Variants in SEMA4D observed in about 807,000 individuals in gnomAD.
The protein encoded by SEMA4D is semaphorin-4D.
SEMA4D carries 22 observed loss-of-function variants against 74.8 expected under a neutral mutation model. The ratio of observed to expected loss-of-function variants is 0.29; its 90% CI spans 0.21 to 0.42. SEMA4D has a LOEUF of 0.42. SEMA4D is among the 10% of genes least tolerant of loss of function. The pLI, the probability that SEMA4D is intolerant of heterozygous loss-of-function variation, is 1.00. For missense variants in SEMA4D, 937 were observed against 1,118.4 expected (o/e 0.84, Z 2.31); for synonymous variants, 445 against 463.7 (o/e 0.96, Z 0.52).
chr9:89,430,576 G>A (rs1849055333), intron 2 of SEMA4D, among the ~76,000 whole-genome samples: 1 of 152,216 alleles, frequency 6.6e-6, no homozygotes, highest in African/African-American at 2.4e-5. Flanking sequence ...GAGTCTAACA[G>A]GTGTATTTCC....
At chr9:89,363,269 C>CG (rs1177870955) in intron 18 of SEMA4D, among the ~76,000 whole-genome samples, 1 of 151,972 alleles carries the variant, frequency 6.6e-6, no homozygotes, top group East Asian at 1.9e-4. Flanking sequence ...GTGGGATTTC[C>CG]CCCCCCAGTG....
At chr9:89,375,328 G>A (rs1200984203), downstream of SEMA4D, among the ~76,000 whole-genome samples, 2 of 152,188 alleles carry the variant, frequency 1.3e-5, no homozygotes, top group Non-Finnish European at 2.9e-5. Flanking sequence ...GCCACAGGGG[G>A]CTCAGCACAG....
intron 1 of SEMA4D, among the ~76,000 whole-genome samples, chr9:89,488,228 G>A (rs1331049711): frequency 2.6e-5 from 4 of 152,208 alleles, no homozygotes; most frequent in East Asian, 1.9e-4. Context: ...AGAAAGAAGA[G>A]GCTTGCTGTT....
chr9:89,473,509 G>A (rs2136014966), intron 1 of SEMA4D, among the ~76,000 whole-genome samples: 1 of 152,196 alleles, frequency 6.6e-6, no homozygotes, highest in Non-Finnish European at 1.5e-5. Flanking sequence ...GACATGGGAG[G>A]ACTGAAGTTC....
chr9:89,494,650 G>A (rs1373090674), intron 1 of SEMA4D, among the ~76,000 whole-genome samples: 3 of 152,286 alleles, frequency 2.0e-5, no homozygotes, highest in Non-Finnish European at 4.4e-5. Context: ...GGAGATCTCC[G>A]ATTATTATTA....
At chr9:89,432,977 C>T (rs1211863689) in intron 2 of SEMA4D, among the ~76,000 whole-genome samples, 2 of 152,230 alleles carry the variant, frequency 1.3e-5, no homozygotes, top group Admixed American at 1.3e-4. Flanking sequence ...CTCAAAGTGA[C>T]CCCACCTTTA....
chr9:89,429,936 A>G (rs1160951452), intron 2 of SEMA4D, among the ~76,000 whole-genome samples: 2 of 151,990 alleles, frequency 1.3e-5, no homozygotes, highest in African/African-American at 4.8e-5. Context: ...AAATAGTAGC[A>G]CTCTGAAAAT....
At chr9:89,386,811 C>T (rs532888877) in intron 12 of SEMA4D, 22 of 290,326 alleles carry the variant, frequency 7.6e-5, no homozygotes, top group South Asian at 6.4e-4. Context: ...CACCAGCCCT[C>T]GGGGTGTCAC....
At chr9:89,434,616 A>G (rs2134796502) in intron 2 of SEMA4D, among the ~76,000 whole-genome samples, 1 of 152,270 alleles carries the variant, frequency 6.6e-6, no homozygotes, top group Non-Finnish European at 1.5e-5. Flanking sequence ...CTCTGTGATT[A>G]CATTTAGGGA....
chr9:89,477,979 CAG>C (rs1444577562), intron 1 of SEMA4D, among the ~76,000 whole-genome samples: 7 of 152,210 alleles, frequency 4.6e-5, no homozygotes, highest in South Asian at 2.1e-4. Context: ...TTTTACGAAG[CAG>C]AGAGTTTCCA....
rs372507031 is a variant in SEMA4D, at chr9:89,478,114, C to T, written c.-310+19805G>A. On this transcript the variant is annotated intron_variant, in intron 1 of 15. Coordinates refer to ENST00000422704, the MANE Select transcript of SEMA4D (RefSeq NM_001371194.2). The stretch of plus-strand genomic sequence containing the variant: ...GGTGAAAGCCTGCCAGCCCTGTCTC[C>T]GCCCACCAGGGCCACCAGCTCAGCC... 1.6e-3 allele frequency among the ~76,000 whole-genome samples: 239 copies of T among 152,336 alleles called. 1 individual carries two copies. Among genetic ancestry groups the T allele is most frequent in the African/African-American group, 5.4e-3 (225 of 41,578 alleles).
At chr9:89,403,110 G>T in intron 3 of SEMA4D, 94 bp from the exon 4 acceptor site, 1 of 1,417,494 alleles carries the variant, frequency 7.1e-7, no homozygotes, top group Non-Finnish European at 9.7e-7. Flanking sequence ...CTGTCTCAGT[G>T]ACAATGAGCA....
intron 2 of SEMA4D, among the ~76,000 whole-genome samples, chr9:89,444,355 C>T (rs765537678): frequency 5.3e-5 from 8 of 152,178 alleles, no homozygotes; most frequent in Non-Finnish European, 1.2e-4. Context: ...CTCCTGCCAT[C>T]ACGGCTCACA....
At chr9:89,456,072 C>T (rs1392029519) in intron 1 of SEMA4D, 119 bp from the exon 2 acceptor site, 2 of 152,272 alleles carry the variant, frequency 1.3e-5, no homozygotes, top group African/African-American at 4.8e-5. Context: ...CCAGGGACTG[C>T]AAGAGCATCG....
chr9:89,389,195 A>G (rs965847773), intron 9 of SEMA4D, 148 bp from the exon 10 acceptor site: 32 of 750,552 alleles, frequency 4.3e-5, no homozygotes, highest in Admixed American at 1.6e-4. Context: ...CAGATGCCGC[A>G]ATTATGTGAG....
intron 2 of SEMA4D, among the ~76,000 whole-genome samples, chr9:89,447,829 A>G (rs1184673150): frequency 6.6e-6 from 1 of 151,220 alleles, no homozygotes; most frequent in South Asian, 2.1e-4. Context: ...ACTTGCTCCT[A>G]TCTGTCTCAG....
intron 1 of SEMA4D, among the ~76,000 whole-genome samples, chr9:89,497,191 T>C (rs1209944187): frequency 6.6e-6 from 1 of 152,208 alleles, no homozygotes. Context: ...TTTACTGGCA[T>C]AACCCCAGTA....
Position 89,386,358 on chromosome 9 carries a change from T to C in SEMA4D, c.1446+9A>G, listed in dbSNP as rs372614555. 37 of 1,601,284 alleles carry C rather than the reference T, an allele frequency of 2.3e-5. No individual in the cohort carries two copies. In the African/African-American group the frequency reaches 4.4e-4, roughly 19 times the overall value. ...GAAGCCCCCGGTCCAGCTGCCTGCG[T>C]CACTTTACCTTCTTTGAAGACAGCA... On this transcript the variant is annotated intron_variant, in intron 13 of 15. Transcript: ENST00000422704.
At chr9:89,371,436 G>GTGTC (rs1834747790) in intron 16 of SEMA4D, among the ~76,000 whole-genome samples, 2 of 110,146 alleles carry the variant, frequency 1.8e-5, no homozygotes, top group Admixed American at 8.8e-5. Flanking sequence ...GGGTGTGTGT[G>GTGTC]TGGGGTGTGG....
Sources: allele counts gnomAD v4.1 joint callset (sites outside exome capture counted in the v4.1 genomes callset), GRCh38; gene constraint gnomAD v4.1.1; transcripts MANE v1.5; gene names NCBI Gene and HGNC (gene_info 2026-07-23, HGNC 2026-07-21).